Variants in PLIN5 observed in about 807,000 individuals in gnomAD.
PLIN5 encodes perilipin 5, also known as perilipin-5.
In PLIN5, 34 loss-of-function variants were observed where a neutral mutation model predicts 32.8. The ratio of observed to expected loss-of-function variants is 1.04; its 90% CI spans 0.79 to 1.38. The LOEUF (loss-of-function observed/expected upper bound fraction) is 1.38. PLIN5 is among the 40% of genes most tolerant of loss of function. The probability of loss-of-function intolerance (pLI) is 0.00; values close to 1 mark genes in which losing one functional copy is unlikely to be tolerated. For missense variants in PLIN5, 712 were observed against 660.5 expected (o/e 1.08, Z -0.85); for synonymous variants, 309 against 292.9 (o/e 1.05, Z -0.56).
rs1568242474 is a variant in PLIN5, at chr19:4,523,664, CA to C, written c.1255del (p.Trp419GlyfsTer39). The C allele has an allele frequency of 6.2e-7, 1 of 1,610,118 alleles. No individual in the cohort carries two copies. The highest frequency in any genetic ancestry group is 1.7e-5 in the Admixed American group (1 of 59,974). On this transcript the variant is annotated frameshift_variant, in exon 8 of 8. Transcript: ENST00000381848. LOFTEE classifies it low-confidence loss of function (END_TRUNC). The surrounding 1 kb of genome is among the most constrained non-coding windows in gnomAD (Gnocchi z 5.0). ...ACTCCCGTCCCTGTGCTCTGCCTCC[CA>C]GGCTCTCTGCTGGGCCGGCCAGTCC... is the stretch of plus-strand genomic sequence containing the variant. ...HLDWPAQQRA[W>X]EAEHRDGSGN...
chr19:4,535,153 CAG>C lies in PLIN5; in HGVS notation c.-22+10_-22+11del. 6.6e-6 allele frequency: 1 copy of C among 150,852 alleles called. No homozygotes were observed. Among genetic ancestry groups the C allele is most frequent in the Non-Finnish European group, 1.5e-5 (1 of 67,694 alleles). The allele number at this position is 150,852 out of a possible 1,614,324, so 9.3% of individuals were successfully genotyped here. A position where few individuals can be genotyped will look rare whatever the true frequency, so the allele number is the denominator to read the frequency against. The stretch of plus-strand genomic sequence containing the variant: ...GGGGGGCGCTCCCGGACGCCGCCCT[CAG>C]GGCACTCACCTGGGCGCGAGCGGCT... On this transcript the variant is annotated intron_variant, in intron 1 of 7. Coordinates refer to ENST00000381848, the MANE Select transcript of PLIN5 (RefSeq NM_001013706.3).
intron 3 of PLIN5, among the ~76,000 whole-genome samples, chr19:4,530,697 G>A (rs1976872825): frequency 6.6e-6 from 1 of 152,162 alleles, no homozygotes; most frequent in Admixed American, 6.5e-5. Flanking sequence ...TTTTGAGACA[G>A]AGTCTAGCTC....
chr19:4,528,108 A>G (rs867366727), intron 5 of PLIN5, among the ~76,000 whole-genome samples: 5 of 151,556 alleles, frequency 3.3e-5, no homozygotes, highest in African/African-American at 1.2e-4. Flanking sequence ...ACGGGGTTTC[A>G]CCGTGTGAGC....
chr19:4,532,199 AATT>A (rs1976895134), intron 2 of PLIN5, among the ~76,000 whole-genome samples: 1 of 151,456 alleles, frequency 6.6e-6, no homozygotes, highest in Non-Finnish European at 1.5e-5. Context: ...CACACCTGGC[AATT>A]ATATTATAAG....
At position 4,525,601 on chromosome 19, in the gene PLIN5, T is replaced by A. The variant is rs1383010805; in HGVS notation, c.720+32A>T. 1 of 1,607,940 alleles carries A rather than the reference T, an allele frequency of 6.2e-7. No individual in the cohort carries two copies. The highest frequency in any genetic ancestry group is 8.5e-7 in the Non-Finnish European group (1 of 1,179,238). On this transcript the variant is annotated intron_variant, in intron 6 of 7. Transcript: ENST00000381848. This position sits in a 1 kb window ranked among gnomAD's most constrained non-coding sequence, Gnocchi z 5.6. ...CTCAATCCATACTGATTGGCCTGCA[T>A]CCCGGAGCAGGGGCGGGCAGCGGGC...
chr19:4,523,094 C>A lies in PLIN5; in HGVS notation c.*434G>T. On this transcript the variant is annotated 3_prime_UTR_variant, in exon 8 of 8. Transcript: ENST00000381848. The surrounding 1 kb of genome is among the most constrained non-coding windows in gnomAD (Gnocchi z 5.0). ...CACACCTGGCTTTTTTTTTTTTTTTCTTTCTTTCTAAGTAGAGACAGGGTT... is the reference window on the plus strand; with the variant it reads ...CACACCTGGCTTTTTTTTTTTTTTTATTTCTTTCTAAGTAGAGACAGGGTT... 1 of 111,278 alleles carries A rather than the reference C, an allele frequency of 9.0e-6. No individual in the cohort carries two copies. Among genetic ancestry groups the A allele is most frequent in the Non-Finnish European group, 1.8e-5 (1 of 54,136 alleles). The allele number at this position is 111,278 out of a possible 1,614,324, so 6.9% of individuals were successfully genotyped here.
At position 4,525,706 on chromosome 19, in the gene PLIN5, G is replaced by A; in HGVS notation, c.647C>T (p.Ser216Phe). 1 of 1,613,768 alleles carries A rather than the reference G, an allele frequency of 6.2e-7. No individual in the cohort carries two copies. Among genetic ancestry groups the A allele is most frequent in the Non-Finnish European group, 8.5e-7 (1 of 1,180,036 alleles). The change falls in exon 6 of 8, where the codon TCT becomes TTT. Residue 216 changes from serine (S) to phenylalanine (F), a missense_variant. By Grantham distance (155) the Ser-to-Phe change is radical. Transcript: ENST00000381848. The surrounding 1 kb of genome is among the most constrained non-coding windows in gnomAD (Gnocchi z 5.6). The stretch of plus-strand genomic sequence containing the variant: ...TTTGCTCTGCCTCAGTTTCCCCACA[G>A]AGTGCTCGTAGGCCAGGTGGCGGAT... Reference protein sequence around the residue: ...ARIRHLAYEHSVGKLRQSKHR... With the variant: ...ARIRHLAYEHFVGKLRQSKHR...
At chr19:4,529,569 TATATATAC>T (rs755957026) in intron 4 of PLIN5, 23 of 508,538 alleles carry the variant, frequency 4.5e-5, no homozygotes, top group Non-Finnish European at 6.2e-5. Context: ...TACTTATACG[TATATATAC>T]ATATATACAC....
chr19:4,528,006 T>C (rs1190055290), intron 5 of PLIN5, among the ~76,000 whole-genome samples: 2 of 151,186 alleles, frequency 1.3e-5, no homozygotes, highest in Non-Finnish European at 3.0e-5. Context: ...ACCCCCCGGG[T>C]TCACGCCATT....
chr19:4,525,452 C>G lies in PLIN5; in HGVS notation c.720+181G>C, dbSNP rs979341202. ...CCCCTCCCTGACTCTCCAGGCAGAG[C>G]CATGACATCCCTGGGCTCCTCCAGG... is the stretch of plus-strand genomic sequence containing the variant. On this transcript the variant is annotated intron_variant, in intron 6 of 7. Transcript: ENST00000381848. The surrounding 1 kb of genome is among the most constrained non-coding windows in gnomAD (Gnocchi z 5.6). Among the ~76,000 whole-genome samples the G allele has an allele frequency of 1.5e-4, 23 of 152,190 alleles. No homozygotes were observed. The highest frequency in any genetic ancestry group is 1.4e-3 in the Admixed American group (22 of 15,272).
At chr19:4,528,235 G>C (rs1379025235) in intron 5 of PLIN5, among the ~76,000 whole-genome samples, 1 of 151,802 alleles carries the variant, frequency 6.6e-6, no homozygotes, top group Non-Finnish European at 1.5e-5. Context: ...GCTGAGGTGG[G>C]GGTAAGCCCA....
Position 4,523,923 on chromosome 19 carries a change from C to A in PLIN5, c.997G>T (p.Ala333Ser). The A allele has an allele frequency of 6.5e-7, 1 of 1,528,756 alleles. No individual in the cohort carries two copies. Among genetic ancestry groups the A allele is most frequent in the South Asian group, 1.2e-5 (1 of 82,924 alleles). The allele number at this position is 1,528,756 out of a possible 1,614,324, so 94.7% of individuals were successfully genotyped here. The change falls in exon 8 of 8, where the codon GCC becomes TCC. Residue 333 changes from alanine to serine, a missense_variant. Physicochemically the swap from Ala to Ser is moderately conservative, Grantham distance 99. Transcript: ENST00000381848. This position sits in a 1 kb window ranked among gnomAD's most constrained non-coding sequence, Gnocchi z 5.0. Reference protein sequence around the residue: ...VDALQTAFADARCFRDVPAAA... With the variant: ...VDALQTAFADSRCFRDVPAAA... ...GCTGGCACGTCCCTGAAGCAGCGGG[C>A]ATCAGCGAAGGCGGTCTGCAGGGCA... is the stretch of plus-strand genomic sequence containing the variant.
intron 2 of PLIN5, among the ~76,000 whole-genome samples, chr19:4,532,070 T>C (rs1976893323): frequency 6.6e-6 from 1 of 152,222 alleles, no homozygotes; most frequent in Non-Finnish European, 1.5e-5. Context: ...GGGGTTTCAC[T>C]CTTATCACCC....
intron 5 of PLIN5, among the ~76,000 whole-genome samples, chr19:4,527,042 G>GC (rs1343475356): frequency 9.2e-5 from 14 of 151,770 alleles, no homozygotes; most frequent in African/African-American, 3.4e-4. Flanking sequence ...TTGGAGACCA[G>GC]CCTGGGTGAC....
rs1599760181 is a variant in PLIN5, at chr19:4,523,612, A to C, written c.1308T>G (p.Gly436=). ...GSGNGDGDRM[G]VAGDICEQEP... ...CCTGCTCGCAGATGTCCCCGGCAAC[A>C]CCCATCCTGTCCCCATCCCCATTCC... The change falls in exon 8 of 8, where the codon GGT becomes GGG. Residue 436 remains glycine, a synonymous_variant. Transcript: ENST00000381848. This position sits in a 1 kb window ranked among gnomAD's most constrained non-coding sequence, Gnocchi z 5.0. 1 of 1,608,790 alleles carries C rather than the reference A, an allele frequency of 6.2e-7. No homozygotes were observed. The highest frequency in any genetic ancestry group is 2.2e-5 in the East Asian group (1 of 44,504).
At chr19:4,527,406 G>C (rs970631404) in intron 5 of PLIN5, among the ~76,000 whole-genome samples, 2 of 151,772 alleles carry the variant, frequency 1.3e-5, no homozygotes, top group Non-Finnish European at 2.9e-5. Context: ...AGATGTGGTG[G>C]TGTGCACCTC....
chr19:4,527,039 C>A (rs1158513212), intron 5 of PLIN5, among the ~76,000 whole-genome samples: 3 of 151,788 alleles, frequency 2.0e-5, no homozygotes, highest in Non-Finnish European at 4.4e-5. Flanking sequence ...GAGTTGGAGA[C>A]CAGCCTGGGT....
At chr19:4,524,868 C>A in intron 7 of PLIN5, 95 bp downstream of exon 7, 1 of 1,072,608 alleles carries the variant, frequency 9.3e-7, no homozygotes, top group Non-Finnish European at 1.3e-6. Flanking sequence ...GTTGGGTCCC[C>A]GGCAGTACTG....
At chr19:4,531,164 C>T (rs140746579) in intron 3 of PLIN5, among the ~76,000 whole-genome samples, 56 of 151,618 alleles carry the variant, frequency 3.7e-4, no homozygotes, top group African/African-American at 1.2e-3. Flanking sequence ...CCACACCGGG[C>T]CAAGTTTTGT....
Sources: allele counts gnomAD v4.1 joint callset (sites outside exome capture counted in the v4.1 genomes callset), GRCh38; gene constraint gnomAD v4.1.1; non-coding constraint Gnocchi (gnomAD v3.1); transcripts MANE v1.5; gene names NCBI Gene and HGNC (gene_info 2026-07-23, HGNC 2026-07-21).